The following CLYBL variants were observed in gnomAD, a reference collection of about 807,000 sequenced individuals.
CLYBL encodes the protein citramalyl-CoA lyase.
In CLYBL, 31 loss-of-function variants were observed where a neutral mutation model predicts 38.9. That is an observed-to-expected ratio of 0.80 (90% confidence interval 0.60 to 1.08). CLYBL has a LOEUF of 1.08. Among genes scored for constraint, CLYBL ranks in the 50% least tolerant of loss-of-function variants. The pLI, the probability that CLYBL is intolerant of heterozygous loss-of-function variation, is 0.00. For missense variants in CLYBL, 434 were observed against 411.6 expected (o/e 1.05, Z -0.47); for synonymous variants, 171 against 158.6 (o/e 1.08, Z -0.59).
intron 2 of CLYBL, among the ~76,000 whole-genome samples, chr13:99,852,016 A>G (rs965501176): frequency 1.3e-5 from 2 of 152,226 alleles, no homozygotes; most frequent in African/African-American, 4.8e-5. Flanking sequence ...ATAAAAAAGA[A>G]TAAGTATGGA....
chr13:99,862,585 T>C (rs2051632331), intron 3 of CLYBL, among the ~76,000 whole-genome samples: 1 of 152,218 alleles, frequency 6.6e-6, no homozygotes, highest in Non-Finnish European at 1.5e-5. Context: ...CTGATGTCAG[T>C]GCTGGGCACG....
intron 3 of CLYBL, 70 bp from the exon 4 acceptor site, chr13:99,862,921 C>A: frequency 1.3e-6 from 1 of 791,376 alleles, no homozygotes; most frequent in Non-Finnish European, 2.1e-6. Flanking sequence ...TTAAATACTA[C>A]TTCTGGGTCT....
At chr13:99,636,673 T>C (rs1366515826) in intron 1 of CLYBL, among the ~76,000 whole-genome samples, 2 of 152,156 alleles carry the variant, frequency 1.3e-5, no homozygotes, top group African/African-American at 4.8e-5. Flanking sequence ...AGACATTTCA[T>C]GTGTAGTAGC....
intron 1 of CLYBL, among the ~76,000 whole-genome samples, chr13:99,745,607 A>C (rs2048834580): frequency 6.6e-6 from 1 of 152,250 alleles, no homozygotes; most frequent in Admixed American, 6.5e-5. Flanking sequence ...CTTCACGATC[A>C]CATCCATATG....
At position 99,817,231 on chromosome 13, in the gene CLYBL, A is replaced by G. The variant is rs963215197; in HGVS notation, c.250-41630A>G. Among the ~76,000 whole-genome samples, 7 of 152,300 alleles carry G rather than the reference A, an allele frequency of 4.6e-5. No individual in the cohort carries two copies. The East Asian group carries it at 1.2e-3, about 25-fold the overall frequency. ...ACAACTCTCCTGTTTAGATTTCAACATATATATCTTTAGCTTTAATGTGTG... is the reference window on the plus strand; with the variant it reads ...ACAACTCTCCTGTTTAGATTTCAACGTATATATCTTTAGCTTTAATGTGTG... On this transcript the variant is annotated intron_variant, in intron 2 of 8. Transcript: ENST00000339105.
At chr13:99,770,749 G>A (rs1261448181) in intron 1 of CLYBL, among the ~76,000 whole-genome samples, 3 of 151,742 alleles carry the variant, frequency 2.0e-5, no homozygotes, top group Non-Finnish European at 4.4e-5. Context: ...TTGAGACAGA[G>A]TCTTGCTCTA....
At position 99,760,754 on chromosome 13, in the gene CLYBL, T is replaced by C. The variant is rs534774558; in HGVS notation, c.63-12070T>C. On this transcript the variant is annotated intron_variant, in intron 1 of 8. Coordinates refer to ENST00000339105, the MANE Select transcript of CLYBL (RefSeq NM_206808.5). Reference sequence around the variant, plus strand: ...TTTCCTTTTTTATTGATAAGAGATATACATAGTTTCAGGATACATGTGATA... The same window carrying C: ...TTTCCTTTTTTATTGATAAGAGATACACATAGTTTCAGGATACATGTGATA... Among the ~76,000 whole-genome samples, 18 of 151,980 alleles carry C rather than the reference T, an allele frequency of 1.2e-4. No homozygotes were observed. The South Asian group carries it at 3.7e-3, about 32-fold the overall frequency.
chr13:99,789,315 G>A (rs1431324382), intron 2 of CLYBL, among the ~76,000 whole-genome samples: 1 of 152,108 alleles, frequency 6.6e-6, no homozygotes, highest in Non-Finnish European at 1.5e-5. Flanking sequence ...GATCTTTCCT[G>A]CTTTCTCTTG....
chr13:99,731,374 C>T (rs1303750459), intron 1 of CLYBL, among the ~76,000 whole-genome samples: 1 of 151,042 alleles, frequency 6.6e-6, no homozygotes, highest in Non-Finnish European at 1.5e-5. Context: ...GGGCTCATAC[C>T]TGTAATCCCA....
intron 1 of CLYBL, among the ~76,000 whole-genome samples, chr13:99,765,956 G>A (rs569975944): frequency 6.6e-6 from 1 of 150,740 alleles, no homozygotes; most frequent in Non-Finnish European, 1.5e-5. Flanking sequence ...GGTTCAAGCA[G>A]TCCTCCCACC....
chr13:99,793,837 C>T (rs528695441), intron 2 of CLYBL, among the ~76,000 whole-genome samples: 11 of 150,668 alleles, frequency 7.3e-5, no homozygotes, highest in East Asian at 3.9e-4. Flanking sequence ...ACAGAAAGCC[C>T]GGGCCTAGGC....
intron 1 of CLYBL, among the ~76,000 whole-genome samples, chr13:99,708,310 A>G (rs963726581): frequency 6.6e-6 from 1 of 152,172 alleles, no homozygotes; most frequent in Non-Finnish European, 1.5e-5. Context: ...CAGTGGTCCC[A>G]CCTTACTGTG....
At chr13:99,613,522 C>T (rs983941291) in intron 1 of CLYBL, among the ~76,000 whole-genome samples, 3 of 152,006 alleles carry the variant, frequency 2.0e-5, no homozygotes, top group Admixed American at 6.5e-5. Flanking sequence ...ACAACCACTA[C>T]TGTCCCTCTG....
chr13:99,666,599 G>C (rs78554841), intron 1 of CLYBL, among the ~76,000 whole-genome samples: 2 of 152,078 alleles, frequency 1.3e-5, no homozygotes, highest in Non-Finnish European at 2.9e-5. Flanking sequence ...GCCAGCTCCC[G>C]AATCTCTAAC....
chr13:99,751,029 C>T (rs2048947139), intron 1 of CLYBL, among the ~76,000 whole-genome samples: 1 of 152,134 alleles, frequency 6.6e-6, no homozygotes, highest in Admixed American at 6.6e-5. Flanking sequence ...GAAGCACGGA[C>T]TCCAACACGT....
intron 2 of CLYBL, among the ~76,000 whole-genome samples, chr13:99,789,975 C>T (rs543431948): frequency 1.1e-3 from 170 of 152,182 alleles, no homozygotes; most frequent in African/African-American, 3.9e-3. Flanking sequence ...CTCTTTTGAT[C>T]TTTGTTGGTT....
intron 2 of CLYBL, among the ~76,000 whole-genome samples, chr13:99,784,909 A>G (rs1444778359): frequency 6.6e-6 from 1 of 152,024 alleles, no homozygotes; most frequent in African/African-American, 2.4e-5. Context: ...TGATTTTCCG[A>G]GACAAGAGTC....
chr13:99,781,406 G>A (rs1185538998), intron 2 of CLYBL, among the ~76,000 whole-genome samples: 3 of 151,844 alleles, frequency 2.0e-5, no homozygotes, highest in Non-Finnish European at 4.4e-5. Flanking sequence ...TCCTGACCTC[G>A]TGATCTGCCC....
At chr13:99,621,354 C>T (rs1393409678) in intron 1 of CLYBL, among the ~76,000 whole-genome samples, 1 of 152,206 alleles carries the variant, frequency 6.6e-6, no homozygotes, top group Non-Finnish European at 1.5e-5. Flanking sequence ...GCCCCACACT[C>T]TCGAGTCATC....
Sources: gnomAD v4.1 joint callset for allele counts (sites outside exome capture counted in the v4.1 genomes callset) on GRCh38, gnomAD v4.1.1 for gene constraint, MANE v1.5 for transcripts, NCBI Gene and HGNC (gene_info 2026-07-23, HGNC 2026-07-21) for gene names.